The following CTNNA3 variants were observed in gnomAD, a reference collection of about 807,000 sequenced individuals.
CTNNA3 encodes the protein catenin alpha-3.
Under a neutral mutation model 95.7 loss-of-function variants are expected in CTNNA3, and 76 were observed. The observed-to-expected ratio is 0.79, with a 90% CI of 0.66 to 0.96. The LOEUF (loss-of-function observed/expected upper bound fraction) is 0.96, where lower values mean the gene tolerates loss of function less well. CTNNA3 is among the 40% of genes least tolerant of loss of function. CTNNA3 has a pLI of 0.00. For synonymous variants in CTNNA3, 431 were observed against 374.4 expected (o/e 1.15, Z -1.74); for missense variants, 1,191 against 1,089.8 (o/e 1.09, Z -1.31).
chr10:66,104,557 A>G (rs1189810783), intron 13 of CTNNA3, among the ~76,000 whole-genome samples: 1 of 152,164 alleles, frequency 6.6e-6, no homozygotes, highest in East Asian at 1.9e-4. Flanking sequence ...AGTAGTACAC[A>G]TTGTGCCCAA....
chr10:65,954,438 G>T (rs1274125747), intron 17 of CTNNA3, among the ~76,000 whole-genome samples: 1 of 152,162 alleles, frequency 6.6e-6, no homozygotes, highest in Non-Finnish European at 1.5e-5. Context: ...TGCTTTTGTT[G>T]TTTTAGTCAT....
At chr10:65,973,833 C>A (rs192458351) in intron 16 of CTNNA3, among the ~76,000 whole-genome samples, 8 of 151,996 alleles carry the variant, frequency 5.3e-5, no homozygotes, top group African/African-American at 1.9e-4. Flanking sequence ...GAGGAATCTG[C>A]CCCTATTACC....
At chr10:66,208,511 G>A (rs899092949) in intron 13 of CTNNA3, among the ~76,000 whole-genome samples, 3 of 151,790 alleles carry the variant, frequency 2.0e-5, no homozygotes, top group Non-Finnish European at 4.4e-5. Context: ...CACATATATC[G>A]CCATGGGTGC....
At chr10:67,149,360 C>A (rs1860983793) in intron 7 of CTNNA3, among the ~76,000 whole-genome samples, 1 of 151,978 alleles carries the variant, frequency 6.6e-6, no homozygotes, top group African/African-American at 2.4e-5. Flanking sequence ...CCGAGGCGGG[C>A]AGATCATGAG....
At chr10:67,220,373 C>A (rs1353179617) in intron 5 of CTNNA3, among the ~76,000 whole-genome samples, 1 of 152,088 alleles carries the variant, frequency 6.6e-6, no homozygotes, top group Non-Finnish European at 1.5e-5. Flanking sequence ...ATCATTCTTT[C>A]TTTGATATTT....
intron 7 of CTNNA3, among the ~76,000 whole-genome samples, chr10:67,176,381 A>T (rs1394863091): frequency 6.6e-6 from 1 of 152,208 alleles, no homozygotes; most frequent in Non-Finnish European, 1.5e-5. Context: ...CCAAAAATAC[A>T]ATTCAGCTTT....
intron 13 of CTNNA3, among the ~76,000 whole-genome samples, chr10:66,182,789 G>A (rs2086124603): frequency 6.6e-6 from 1 of 151,954 alleles, no homozygotes; most frequent in Non-Finnish European, 1.5e-5. Context: ...GTCCATCCTC[G>A]TGAACAACAA....
At chr10:66,863,477 G>T (rs967118279) in intron 7 of CTNNA3, among the ~76,000 whole-genome samples, 2 of 152,062 alleles carry the variant, frequency 1.3e-5, no homozygotes, top group Non-Finnish European at 2.9e-5. Flanking sequence ...TAGATGTAGT[G>T]AAAATTAGTG....
chr10:66,919,226 TGTGA>T (rs377682339), intron 7 of CTNNA3, among the ~76,000 whole-genome samples: 56 of 151,180 alleles, frequency 3.7e-4, no homozygotes, highest in African/African-American at 1.3e-3. Context: ...TGGGAAGAGG[TGTGA>T]GTATCGACGA....
intron 1 of CTNNA3, among the ~76,000 whole-genome samples, chr10:67,733,092 T>A (rs943491808): frequency 1.3e-5 from 2 of 152,168 alleles, no homozygotes; most frequent in African/African-American, 2.4e-5. Flanking sequence ...AAATATTTTA[T>A]CTATGTCAAA....
chr10:67,562,214 G>A (rs1419390052), intron 3 of CTNNA3, among the ~76,000 whole-genome samples: 1 of 152,138 alleles, frequency 6.6e-6, no homozygotes, highest in South Asian at 2.1e-4. Flanking sequence ...CAATATCCTT[G>A]ATGAACATTG....
At chr10:67,743,540 A>G (rs1396752190) in intron 1 of CTNNA3, among the ~76,000 whole-genome samples, 1 of 151,390 alleles carries the variant, frequency 6.6e-6, no homozygotes, top group Non-Finnish European at 1.5e-5. Flanking sequence ...CCCACAGCCA[A>G]TATCATAATG....
chr10:65,947,027 A>G (rs771983014), intron 17 of CTNNA3, among the ~76,000 whole-genome samples: 5 of 151,900 alleles, frequency 3.3e-5, no homozygotes, highest in Admixed American at 6.6e-5. Flanking sequence ...AAGTCCAACC[A>G]TCCTTCTGAA....
At chr10:66,813,527 C>T (rs1841963087) in intron 7 of CTNNA3, among the ~76,000 whole-genome samples, 1 of 152,054 alleles carries the variant, frequency 6.6e-6, no homozygotes, top group Non-Finnish European at 1.5e-5. Flanking sequence ...AAAATAATAG[C>T]TTTGCTGTAA....
At chr10:66,647,196 G>A (rs897867830) in intron 9 of CTNNA3, among the ~76,000 whole-genome samples, 5 of 152,112 alleles carry the variant, frequency 3.3e-5, no homozygotes, top group African/African-American at 1.2e-4. Context: ...CATCTAAAGG[G>A]TTCATACACT....
intron 1 of CTNNA3, among the ~76,000 whole-genome samples, chr10:67,674,568 GT>G (rs1840501624): frequency 6.6e-6 from 1 of 152,080 alleles, no homozygotes; most frequent in East Asian, 1.9e-4. Context: ...GAGAATGTAG[GT>G]TCACATGTCC....
At position 66,039,844 on chromosome 10, in the gene CTNNA3, C is replaced by T. The variant is rs145191703; in HGVS notation, c.2159+29464G>A. Among the ~76,000 whole-genome samples, 535 of 152,142 alleles carry T rather than the reference C, an allele frequency of 3.5e-3. 3 individuals are homozygous for T. The highest frequency in any genetic ancestry group is 6.8e-3 in the Middle Eastern group (2 of 294). On this transcript the variant is annotated intron_variant, in intron 15 of 17. Coordinates refer to ENST00000433211, the MANE Select transcript of CTNNA3 (RefSeq NM_013266.4). ...GGCAAAGATTTCATGATAAAGACATCAAAAGCAATTGCGACAAAAGCAAAT... is the reference window on the plus strand; with the variant it reads ...GGCAAAGATTTCATGATAAAGACATTAAAAGCAATTGCGACAAAAGCAAAT...
intron 13 of CTNNA3, among the ~76,000 whole-genome samples, chr10:66,218,006 G>A (rs1263983382): frequency 6.6e-6 from 1 of 152,140 alleles, no homozygotes; most frequent in Non-Finnish European, 1.5e-5. Flanking sequence ...TTTTCAGAGG[G>A]GAGGAGCCAG....
chr10:65,977,793 TAATAAATAAATA>T (rs545915549), intron 16 of CTNNA3, among the ~76,000 whole-genome samples: 1 of 151,462 alleles, frequency 6.6e-6, no homozygotes, highest in African/African-American at 2.4e-5. Context: ...ATTAAAAAAA[TAATAAATAAATA>T]AATAAATAAA....
Sources: gnomAD v4.1 joint callset for allele counts (sites outside exome capture counted in the v4.1 genomes callset) on GRCh38, gnomAD v4.1.1 for gene constraint, MANE v1.5 for transcripts, NCBI Gene and HGNC (gene_info 2026-07-23, HGNC 2026-07-21) for gene names.